ESRRG: variants seen among roughly 807,000 people sequenced by gnomAD.
ESRRG encodes the protein estrogen-related receptor gamma.
In ESRRG, 13 loss-of-function variants were observed where a neutral mutation model predicts 44.0. The observed-to-expected ratio is 0.30, with a 90% confidence interval of 0.19 to 0.47. The LOEUF is 0.47. Ranked by LOEUF, ESRRG falls within the 20% of genes least tolerant of loss-of-function variation. The probability of loss-of-function intolerance (pLI) is 1.00; values close to 1 mark genes in which losing one functional copy is unlikely to be tolerated. For missense variants in ESRRG, 395 were observed against 580.6 expected, an observed-to-expected ratio of 0.68 and a Z score of 3.29; for synonymous variants, 215 against 214.6, an observed-to-expected ratio of 1.00 and a Z score of -0.02.
chr1:216,984,819 C>A (rs1331100124), intron 1 of ESRRG, among the ~76,000 whole-genome samples: 1 of 152,146 alleles, frequency 6.6e-6, no homozygotes, highest in Non-Finnish European at 1.5e-5. Flanking sequence ...TGTGGCATCC[C>A]AGGAGAAGTC....
At chr1:216,795,439 C>T (rs1160026673) in intron 2 of ESRRG, among the ~76,000 whole-genome samples, 1 of 143,530 alleles carries the variant, frequency 7.0e-6, no homozygotes, top group African/African-American at 2.6e-5. Context: ...CCCCTTGATT[C>T]AAGCGATTCT....
chr1:216,741,475 C>A (rs1051922918), intron 2 of ESRRG, among the ~76,000 whole-genome samples: 2 of 148,514 alleles, frequency 1.3e-5, no homozygotes, highest in Non-Finnish European at 3.0e-5. Context: ...TACACACACA[C>A]ACATATACCT....
chr1:217,074,970 C>T (rs2091092340), intron 1 of ESRRG, among the ~76,000 whole-genome samples: 1 of 152,108 alleles, frequency 6.6e-6, no homozygotes, highest in Non-Finnish European at 1.5e-5. Context: ...AAAATACAGT[C>T]ATCTCTCAGT....
At chr1:216,916,741 C>G (rs1390139398) in intron 2 of ESRRG, among the ~76,000 whole-genome samples, 2 of 151,584 alleles carry the variant, frequency 1.3e-5, no homozygotes, top group Non-Finnish European at 2.9e-5. Flanking sequence ...TTCCTCCACT[C>G]CTCACCCTCC....
intron 2 of ESRRG, among the ~76,000 whole-genome samples, chr1:216,924,410 T>C (rs1365056523): frequency 6.6e-6 from 1 of 152,070 alleles, no homozygotes; most frequent in Admixed American, 6.6e-5. Context: ...TCAGGCTGCC[T>C]CCGAGACCAA....
intron 2 of ESRRG, among the ~76,000 whole-genome samples, chr1:216,770,838 G>A (rs537718394): frequency 2.6e-5 from 4 of 152,050 alleles, no homozygotes; most frequent in South Asian, 2.1e-4. Flanking sequence ...CTGTCTATCC[G>A]TTTATCTTTC....
Position 216,505,129 on chromosome 1 carries a change from A to G in ESRRG, c.*1810T>C, listed in dbSNP as rs1367895159. 6.5e-6 allele frequency: 1 copy of G among 152,678 alleles called. No individual in the cohort carries two copies. Among genetic ancestry groups the G allele is most frequent in the Admixed American group, 6.5e-5 (1 of 15,288 alleles). 9.5% of individuals were successfully genotyped at this position (152,678 alleles called of 1,614,324 possible). On this transcript the variant is annotated 3_prime_UTR_variant, in exon 7 of 7. Transcript: ENST00000408911. Reference sequence around the variant, plus strand: ...ATTACAATTTTAATTACATCTGTGTACATAGAATAAGACTGTTCACATAAT... The same window carrying G: ...ATTACAATTTTAATTACATCTGTGTGCATAGAATAAGACTGTTCACATAAT...
intron 2 of ESRRG, among the ~76,000 whole-genome samples, chr1:216,895,453 T>C (rs2058312329): frequency 6.6e-6 from 1 of 152,290 alleles, no homozygotes; most frequent in East Asian, 1.9e-4. Flanking sequence ...TTTATCAGGA[T>C]GGTGGAAAAA....
At chr1:216,924,179 A>G (rs2062206670) in intron 2 of ESRRG, among the ~76,000 whole-genome samples, 1 of 152,158 alleles carries the variant, frequency 6.6e-6, no homozygotes, top group African/African-American at 2.4e-5. Flanking sequence ...CTGATTGGAA[A>G]GCTGCTATGA....
rs183062688 is a variant in ESRRG at position 216,842,950 on chromosome 1, G to A, written c.-14+96632C>T. Among the ~76,000 whole-genome samples, 21 of 152,214 alleles carry A rather than the reference G, an allele frequency of 1.4e-4. No individual in the cohort carries two copies. The East Asian group carries it at 3.7e-3, about 27-fold the overall frequency. ...AGCTGGAATCCACACTCAGACCTAT[G>A]AGATATATATCATCAAAATATTAGT... is the stretch of plus-strand genomic sequence containing the variant. On this transcript the variant is annotated intron_variant, in intron 2 of 7. Transcript: ENST00000359162.
intron 1 of ESRRG, among the ~76,000 whole-genome samples, chr1:217,053,289 T>C (rs955102953): frequency 1.3e-5 from 2 of 151,902 alleles, no homozygotes; most frequent in African/African-American, 4.8e-5. Flanking sequence ...ACCCCGTTTC[T>C]ACTAAAAATA....
At chr1:216,944,605 G>C (rs1354500721) in intron 1 of ESRRG, among the ~76,000 whole-genome samples, 1 of 152,040 alleles carries the variant, frequency 6.6e-6, no homozygotes, top group African/African-American at 2.4e-5. Context: ...TGAAGATCTT[G>C]GTGGTAATGC....
chr1:216,855,508 GGTAAC>G (rs1449191956), intron 2 of ESRRG, among the ~76,000 whole-genome samples: 2 of 152,242 alleles, frequency 1.3e-5, no homozygotes, highest in East Asian at 3.9e-4. Flanking sequence ...AAATTCAAAA[GGTAAC>G]GTAGAACCTG....
chr1:216,921,983 C>A (rs1314234214), intron 2 of ESRRG, among the ~76,000 whole-genome samples: 1 of 152,112 alleles, frequency 6.6e-6, no homozygotes, highest in Non-Finnish European at 1.5e-5. Flanking sequence ...AGGTTGTAAT[C>A]TTTGAAACTG....
At chr1:216,885,191 G>A (rs986910949) in intron 2 of ESRRG, among the ~76,000 whole-genome samples, 2 of 152,006 alleles carry the variant, frequency 1.3e-5, no homozygotes, top group African/African-American at 2.4e-5. Flanking sequence ...AATAAAAATA[G>A]AATTATATTA....
intron 1 of ESRRG, among the ~76,000 whole-genome samples, chr1:216,941,183 A>T (rs2065168618): frequency 2.0e-5 from 3 of 152,190 alleles, no homozygotes. Context: ...TTATATAAGT[A>T]TAAAGAAACA....
chr1:216,567,656 C>A (rs1308415172), intron 4 of ESRRG, among the ~76,000 whole-genome samples: 1 of 152,006 alleles, frequency 6.6e-6, no homozygotes, highest in Non-Finnish European at 1.5e-5. Flanking sequence ...CAGTATGATC[C>A]ATTTTATGTA....
At chr1:217,087,652 C>A (rs774581422) in intron 1 of ESRRG, among the ~76,000 whole-genome samples, 1 of 152,172 alleles carries the variant, frequency 6.6e-6, no homozygotes, top group Non-Finnish European at 1.5e-5. Flanking sequence ...AGGGAACAAT[C>A]TTCTATCTCC....
chr1:216,728,026 A>C (rs928829919), upstream of ESRRG, among the ~76,000 whole-genome samples: 10 of 152,160 alleles, frequency 6.6e-5, no homozygotes, highest in East Asian at 1.9e-3. Flanking sequence ...TGTCAGTAAA[A>C]ATTAAATTAT....
Sources: gnomAD v4.1 joint callset for allele counts (sites outside exome capture counted in the v4.1 genomes callset) on GRCh38, gnomAD v4.1.1 for gene constraint, MANE v1.5 for transcripts, NCBI Gene and HGNC (gene_info 2026-07-23, HGNC 2026-07-21) for gene names.